The following DNAAF1 variants were observed in gnomAD, a reference collection of about 807,000 sequenced individuals.
DNAAF1 encodes the protein dynein assembly factor 1, axonemal.
In DNAAF1, 65 loss-of-function variants were observed where a neutral mutation model predicts 71.1. That is an observed-to-expected ratio of 0.91 (90% CI 0.75 to 1.12). The LOEUF (loss-of-function observed/expected upper bound fraction) is 1.12, where lower values mean the gene tolerates loss of function less well. Ranked by LOEUF, DNAAF1 falls within the 50% of genes most tolerant of loss-of-function variation. DNAAF1 has a pLI of 0.00. For missense variants in DNAAF1, 1,178 were observed against 899.8 expected (o/e 1.31, Z -3.96); for synonymous variants, 414 against 354.6 (o/e 1.17, Z -1.88).
Position 84,145,412 on chromosome 16 carries a change from G to C in DNAAF1, c.-29G>C. The stretch of plus-strand genomic sequence containing the variant: ...CCGCGAACCTGGGCCCCCCAAAGCT[G>C]CGGGGCGTTCGGTGTCGCCGAAGTA... On this transcript the variant is annotated 5_prime_UTR_variant, in exon 1 of 12. Transcript: ENST00000378553. 2 of 1,571,948 alleles carry C rather than the reference G, an allele frequency of 1.3e-6. No homozygotes were observed. The highest frequency in any genetic ancestry group is 1.7e-6 in the Non-Finnish European group (2 of 1,158,814).
rs564229010 is a variant in DNAAF1 at position 84,155,940 on chromosome 16, G to T, written c.741+191G>T. ...TATCGTATTATTTTACCCACAAATA[G>T]TTCAGTGTGTGCCTCTAACAGATAA... On this transcript the variant is annotated intron_variant, in intron 5 of 11. Transcript: ENST00000378553. Among the ~76,000 whole-genome samples, 34 of 151,784 alleles carry T rather than the reference G, an allele frequency of 2.2e-4. 1 individual carries two copies. In the South Asian group the frequency reaches 6.7e-3, roughly 30 times the overall value.
At chr16:84,159,880 C>A in intron 6 of DNAAF1, 84 bp downstream of exon 6, 1 of 1,519,414 alleles carries the variant, frequency 6.6e-7, no homozygotes, top group Non-Finnish European at 9.0e-7. Flanking sequence ...ATTTCTGATT[C>A]TTGAGAAATT....
chr16:84,150,450 C>T (rs1288632829), intron 3 of DNAAF1, 108 bp downstream of exon 3: 2 of 853,338 alleles, frequency 2.3e-6, no homozygotes, highest in Non-Finnish European at 3.9e-6. Context: ...TGTATCTAAG[C>T]AGGAAATTTC....
Position 84,163,873 on chromosome 16 carries a change from T to TGG in DNAAF1, c.864-1909_864-1908insGG, listed in dbSNP as rs1555523655. ...AAATTAATAGACTTTTTTTTTTTTTTGTGGGGGACAGCGTTTTGCTCTGTC... is the reference window on the plus strand; with the variant it reads ...AAATTAATAGACTTTTTTTTTTTTTTGGGTGGGGGACAGCGTTTTGCTCTGTC... On this transcript the variant is annotated intron_variant, in intron 6 of 11. Transcript: ENST00000378553. Among the ~76,000 whole-genome samples, 50 of 149,462 alleles carry TGG rather than the reference T, an allele frequency of 3.3e-4. 1 individual carries two copies. Among genetic ancestry groups the TGG allele is most frequent in the Admixed American group, 2.6e-3 (39 of 15,076 alleles).
chr16:84,148,308 T>A (rs961024323), intron 1 of DNAAF1, among the ~76,000 whole-genome samples: 8 of 152,192 alleles, frequency 5.3e-5, no homozygotes, highest in African/African-American at 1.4e-4. Context: ...CATATACGTT[T>A]CTGAGAATTA....
chr16:84,170,373 AACACACACAGAC>A lies in DNAAF1; in HGVS notation c.1528+26_1528+37del. 6.2e-7 allele frequency: 1 copy of A among 1,613,526 alleles called. No homozygotes were observed. Among genetic ancestry groups the A allele is most frequent in the South Asian group, 1.1e-5 (1 of 91,086 alleles). ...CCAGGGAAGGTAATGTGAGCGGAGA[AACACACACAGAC>A]ACACACACCTCTCAGGGAGCCCCAG... On this transcript the variant is annotated intron_variant, in intron 8 of 11. Coordinates refer to ENST00000378553, the MANE Select transcript of DNAAF1 (RefSeq NM_178452.6).
chr16:84,153,669 G>A (rs986446540), intron 3 of DNAAF1, among the ~76,000 whole-genome samples: 3 of 152,180 alleles, frequency 2.0e-5, no homozygotes, highest in African/African-American at 7.2e-5. Flanking sequence ...ACTTTAAAAA[G>A]TGTTGGTAAT....
At position 84,166,712 on chromosome 16, in the gene DNAAF1, C is replaced by G. The variant is rs999251475; in HGVS notation, c.1030+763C>G. Among the ~76,000 whole-genome samples, 165 of 152,228 alleles carry G rather than the reference C, an allele frequency of 1.1e-3. 2 individuals carry two copies. The highest frequency in any genetic ancestry group is 3.9e-3 in the African/African-American group (161 of 41,522). ...AACCATTTCCTCACAACCTGCAGATCCATCTGCAGTTGGCCTCACCTACCT... is the reference window on the plus strand; with the variant it reads ...AACCATTTCCTCACAACCTGCAGATGCATCTGCAGTTGGCCTCACCTACCT... On this transcript the variant is annotated intron_variant, in intron 7 of 11. Coordinates refer to ENST00000378553, the MANE Select transcript of DNAAF1 (RefSeq NM_178452.6).
chr16:84,154,499 T>A, intron 3 of DNAAF1, 78 bp from the exon 4 acceptor site: 1 of 1,261,082 alleles, frequency 7.9e-7, no homozygotes, highest in Non-Finnish European at 1.1e-6. Context: ...TTCCTAATAG[T>A]AGGCAAAAAC....
intron 11 of DNAAF1, chr16:84,176,805 A>AGGCAAAGG (rs925771630): frequency 1.6e-5 from 3 of 191,300 alleles, no homozygotes; most frequent in East Asian, 1.2e-4. Context: ...AAGGCAGGGA[A>AGGCAAAGG]GGCAAAGGGG....
intron 8 of DNAAF1, 122 bp downstream of exon 8, chr16:84,170,478 A>T: frequency 2.0e-6 from 3 of 1,472,718 alleles, no homozygotes; most frequent in Non-Finnish European, 2.8e-6. Flanking sequence ...TGTTTCTAGA[A>T]GATAATGGAC....
intron 9 of DNAAF1, 44 bp downstream of exon 9, chr16:84,172,419 G>A (rs201660406): frequency 3.1e-6 from 5 of 1,606,330 alleles, no homozygotes; most frequent in African/African-American, 1.3e-5. Context: ...CAGTTTTACT[G>A]TTAGTAAAAT....
intron 1 of DNAAF1, among the ~76,000 whole-genome samples, chr16:84,148,794 T>G (rs2087047219): frequency 6.6e-6 from 1 of 151,270 alleles, no homozygotes; most frequent in Non-Finnish European, 1.5e-5. Flanking sequence ...TTTGTCATGT[T>G]GCTCAGGCTG....
intron 8 of DNAAF1, 85 bp from the exon 9 acceptor site, chr16:84,172,175 C>T (rs1292426712): frequency 1.5e-6 from 2 of 1,317,762 alleles, no homozygotes; most frequent in East Asian, 2.4e-5. Flanking sequence ...CCGAGCCCGG[C>T]CCTTGGGAGC....
At chr16:84,160,210 A>G (rs979237725) in intron 6 of DNAAF1, among the ~76,000 whole-genome samples, 1 of 152,238 alleles carries the variant, frequency 6.6e-6, no homozygotes, top group Admixed American at 6.5e-5. Context: ...ATGGGTGAAG[A>G]TCGTACCCCA....
Position 84,170,052 on chromosome 16 carries a change from A to T in DNAAF1, c.1224A>T (p.Gly408=). 6.2e-7 allele frequency: 1 copy of T among 1,613,870 alleles called. No individual in the cohort carries two copies. Among genetic ancestry groups the T allele is most frequent in the Non-Finnish European group, 8.5e-7 (1 of 1,180,036 alleles). Residue 408 remains glycine, a synonymous_variant, in exon 8 of 12, where the codon GGA becomes GGT. Coordinates refer to ENST00000378553, the MANE Select transcript of DNAAF1 (RefSeq NM_178452.6). ...CTGTGGAGGCTAAAAGAGAGGATGGAGGTCCAGAGCCAGAGGGGACCCTCC... is the reference window on the plus strand; with the variant it reads ...CTGTGGAGGCTAAAAGAGAGGATGGTGGTCCAGAGCCAGAGGGGACCCTCC... ...EPPVEAKRED[G]GPEPEGTLPA... is the part of the protein sequence containing the mutation.
chr16:84,147,760 C>A (rs4782896), intron 1 of DNAAF1, among the ~76,000 whole-genome samples: 88,074 of 149,394 alleles, frequency 0.59, 26,295 homozygotes, highest in East Asian at 0.77. Flanking sequence ...AAGCCCCCCC[C>A]AAAAAAAAAA....
rs1395582732 is a variant in DNAAF1 at position 84,150,795 on chromosome 16, G to A, written c.352+453G>A. ...CGCCTTGCTAATTTTTGTATTTTTAGTAAAGGCGGGGTTTCGCCATGTTGG... is the reference window on the plus strand; with the variant it reads ...CGCCTTGCTAATTTTTGTATTTTTAATAAAGGCGGGGTTTCGCCATGTTGG... On this transcript the variant is annotated intron_variant, in intron 3 of 11. Transcript: ENST00000378553. 2.6e-5 allele frequency among the ~76,000 whole-genome samples: 4 copies of A among 152,018 alleles called. No individual in the cohort carries two copies. The East Asian group carries it at 5.8e-4, about 22-fold the overall frequency.
intron 7 of DNAAF1, 48 bp from the exon 8 acceptor site, chr16:84,169,811 G>C: frequency 6.2e-7 from 1 of 1,611,872 alleles, no homozygotes; most frequent in Non-Finnish European, 8.5e-7. Context: ...AAACACCCTT[G>C]TCCTCCCAGG....
Sources: gnomAD v4.1 joint callset for allele counts (sites outside exome capture counted in the v4.1 genomes callset) on GRCh38, gnomAD v4.1.1 for gene constraint, MANE v1.5 for transcripts, NCBI Gene and HGNC (gene_info 2026-07-23, HGNC 2026-07-21) for gene names.